Variants in IQCJ observed in about 807,000 individuals in gnomAD.
IQCJ encodes the protein IQ domain-containing protein J.
In IQCJ, 9 loss-of-function variants were observed where a neutral mutation model predicts 11.0. The observed-to-expected ratio is 0.82, with a 90% CI of 0.49 to 1.43. The LOEUF is 1.43. Ranked by LOEUF, IQCJ falls within the 40% of genes most tolerant of loss-of-function variation. The pLI is 0.00. For synonymous variants in IQCJ, 55 were observed against 51.3 expected (o/e 1.07, Z -0.31); for missense variants, 146 against 133.2 (o/e 1.10, Z -0.47).
intron 1 of IQCJ, among the ~76,000 whole-genome samples, chr3:159,091,907 T>G (rs1717338018): frequency 6.6e-6 from 1 of 151,506 alleles, no homozygotes; most frequent in Non-Finnish European, 1.5e-5. Context: ...AGCTAATAAA[T>G]GTAGAAGGAA....
chr3:159,154,321 T>A (rs1721393729), intron 1 of IQCJ, among the ~76,000 whole-genome samples: 1 of 152,062 alleles, frequency 6.6e-6, no homozygotes, highest in Non-Finnish European at 1.5e-5. Flanking sequence ...GAAGGCCCAA[T>A]CCATGGACCC....
chr3:159,172,649 C>T (rs1722543689), intron 1 of IQCJ, among the ~76,000 whole-genome samples: 1 of 151,864 alleles, frequency 6.6e-6, no homozygotes, highest in Admixed American at 6.6e-5. Flanking sequence ...TCCTGAGTGA[C>T]AGCACATGCC....
chr3:159,103,954 CA>C (rs1216918964), intron 1 of IQCJ, among the ~76,000 whole-genome samples: 2 of 152,226 alleles, frequency 1.3e-5, no homozygotes, highest in African/African-American at 4.8e-5. Flanking sequence ...TTCTTTGCTT[CA>C]TTTCATTTTT....
Position 159,069,332 on chromosome 3 carries a change from A to G in IQCJ, c.-101A>G, listed in dbSNP as rs1715376014. On this transcript the variant is annotated 5_prime_UTR_variant, in exon 1 of 4. Transcript: ENST00000397832. ...GTTTCCAGCCTCACACTCGCCTCAC[A>G]TTCCCCCACAGTCACATTGCGCTCT... is the stretch of plus-strand genomic sequence containing the variant. 15 of 1,461,986 alleles carry G rather than the reference A, an allele frequency of 1.0e-5. No individual in the cohort carries two copies. The highest frequency in any genetic ancestry group is 1.6e-5 in the South Asian group (1 of 63,128). 90.6% of individuals were successfully genotyped at this position (1,461,986 alleles called of 1,614,324 possible). A position where few individuals can be genotyped will look rare whatever the true frequency, so the allele number is the denominator to read the frequency against.
chr3:159,246,789 A>G (rs1231560034), intron 2 of IQCJ, among the ~76,000 whole-genome samples: 1 of 152,218 alleles, frequency 6.6e-6, no homozygotes, highest in African/African-American at 2.4e-5. Flanking sequence ...GCTGTCCTCA[A>G]ACATTTGAAG....
At position 159,262,781 on chromosome 3, in the gene IQCJ, G is replaced by A; in HGVS notation, c.*50G>A. On this transcript the variant is annotated 3_prime_UTR_variant, in exon 4 of 4. Coordinates refer to ENST00000397832, the MANE Select transcript of IQCJ (RefSeq NM_001042706.3). ...AGAAATCTTGGGATGTGAGCAGGTG[G>A]TTTGTGACAGTGAAGATCTATGTAG... The A allele has an allele frequency of 6.3e-7, 1 of 1,578,478 alleles. No homozygotes were observed. Among genetic ancestry groups the A allele is most frequent in the Admixed American group, 1.7e-5 (1 of 57,238 alleles).
At chr3:159,071,397 T>A (rs950003092) in intron 1 of IQCJ, among the ~76,000 whole-genome samples, 1 of 152,042 alleles carries the variant, frequency 6.6e-6, no homozygotes, top group Non-Finnish European at 1.5e-5. Flanking sequence ...TGTGTCTTAT[T>A]CAATGTAGGA....
Position 159,086,708 on chromosome 3 carries a change from GCTGT to G in IQCJ, c.9+17272_9+17275del, listed in dbSNP as rs970374026. ...TGAATGGGAGTTCACCCATGATTTG[GCTGT>G]CTGTTTGTCTGTTATTGGTGTATAA... On this transcript the variant is annotated intron_variant, in intron 1 of 3. Transcript: ENST00000397832. Among the ~76,000 whole-genome samples the G allele has an allele frequency of 9.2e-5, 14 of 151,978 alleles. No individual in the cohort carries two copies. In the East Asian group the frequency reaches 2.7e-3, roughly 29 times the overall value.
intron 1 of IQCJ, among the ~76,000 whole-genome samples, chr3:159,241,036 A>C (rs1219247675): frequency 6.6e-6 from 1 of 152,194 alleles, no homozygotes; most frequent in African/African-American, 2.4e-5. Context: ...TCACATGGTA[A>C]CTTCTCAGGA....
intron 1 of IQCJ, among the ~76,000 whole-genome samples, chr3:159,105,185 A>G (rs188057555): frequency 6.6e-6 from 1 of 152,334 alleles, no homozygotes; most frequent in Admixed American, 6.5e-5. Flanking sequence ...AAATTGTTAA[A>G]GTCACATATA....
intron 1 of IQCJ, among the ~76,000 whole-genome samples, chr3:159,122,258 G>T (rs1384430256): frequency 6.6e-6 from 1 of 152,158 alleles, no homozygotes; most frequent in African/African-American, 2.4e-5. Context: ...CACATTGATG[G>T]TTAGGATTTC....
intron 1 of IQCJ, among the ~76,000 whole-genome samples, chr3:159,184,115 A>C (rs1337359954): frequency 6.6e-6 from 1 of 151,996 alleles, no homozygotes; most frequent in East Asian, 1.9e-4. Context: ...TATGTTCTAC[A>C]AAAGTTTGTG....
At chr3:159,240,958 T>C (rs1726883817) in intron 1 of IQCJ, among the ~76,000 whole-genome samples, 2 of 152,212 alleles carry the variant, frequency 1.3e-5, no homozygotes, top group African/African-American at 4.8e-5. Flanking sequence ...AACAACAGCT[T>C]AGTTCTGAAC....
At chr3:159,171,452 C>T (rs894531386) in intron 1 of IQCJ, among the ~76,000 whole-genome samples, 1 of 152,142 alleles carries the variant, frequency 6.6e-6, no homozygotes, top group African/African-American at 2.4e-5. Flanking sequence ...CTGGAACCCA[C>T]CCTAAAGATT....
At chr3:159,255,609 A>G (rs1727852946) in intron 3 of IQCJ, among the ~76,000 whole-genome samples, 1 of 152,192 alleles carries the variant, frequency 6.6e-6, no homozygotes, top group Admixed American at 6.5e-5. Flanking sequence ...CTCAGTGAAA[A>G]AATGTGTGAG....
chr3:159,150,335 G>C lies in IQCJ; in HGVS notation c.9+80894G>C, dbSNP rs141560088. On this transcript the variant is annotated intron_variant, in intron 1 of 3. Transcript: ENST00000397832. Reference sequence around the variant, plus strand: ...GGGGAGCTCTGGGTGACAGTGTAGAGTTAGGCCATCCAGGGAGGAGCAAGC... The same window carrying C: ...GGGGAGCTCTGGGTGACAGTGTAGACTTAGGCCATCCAGGGAGGAGCAAGC... Among the ~76,000 whole-genome samples the C allele has an allele frequency of 4.1e-4, 63 of 152,244 alleles. No homozygotes were observed. In the East Asian group the frequency reaches 0.012, roughly 29 times the overall value.
intron 1 of IQCJ, among the ~76,000 whole-genome samples, chr3:159,228,573 G>C (rs1198895157): frequency 2.0e-5 from 3 of 152,042 alleles, no homozygotes; most frequent in African/African-American, 7.2e-5. Context: ...GGCGGATCAC[G>C]AGGTCAGGAG....
chr3:159,177,128 A>C (rs1174084402), intron 1 of IQCJ, among the ~76,000 whole-genome samples: 2 of 152,214 alleles, frequency 1.3e-5, no homozygotes, highest in Non-Finnish European at 2.9e-5. Flanking sequence ...ATCCACATCC[A>C]AGTTTCTTTT....
At chr3:159,125,787 A>G (rs933110191) in intron 1 of IQCJ, among the ~76,000 whole-genome samples, 14 of 152,204 alleles carry the variant, frequency 9.2e-5, no homozygotes, top group Admixed American at 7.9e-4. Flanking sequence ...AGCCTAATCA[A>G]TCCAAATATG....
Sources: gnomAD v4.1 joint callset for allele counts (sites outside exome capture counted in the v4.1 genomes callset) on GRCh38, gnomAD v4.1.1 for gene constraint, MANE v1.5 for transcripts, NCBI Gene and HGNC (gene_info 2026-07-23, HGNC 2026-07-21) for gene names.